The following AK5 variants were observed in gnomAD, a reference collection of about 807,000 sequenced individuals.
AK5 encodes adenylate kinase 5, also known as adenylate kinase isoenzyme 5.
Under a neutral mutation model 69.5 loss-of-function variants are expected in AK5, and 27 were observed. The observed-to-expected ratio is 0.39, with a 90% CI of 0.29 to 0.54. The LOEUF is 0.54. AK5 is among the 20% of genes least tolerant of loss of function. AK5 has a pLI of 0.71. For synonymous variants in AK5, 260 were observed against 244.4 expected (o/e 1.06, Z -0.60); for missense variants, 531 against 700.4 (o/e 0.76, Z 2.73).
chr1:77,549,022 C>T (rs1453166810), intron 13 of AK5, among the ~76,000 whole-genome samples: 1 of 150,466 alleles, frequency 6.6e-6, no homozygotes, highest in Non-Finnish European at 1.5e-5. Context: ...ATTACAGGTA[C>T]CTGCCACCAC....
rs748547669 is a variant in AK5, at chr1:77,518,555, CT to C, written c.1148-5del. ...GGAATGCATGTCTGACACATGACTT[CT>C]TTTCAAGGTGGTCCTGGCTCTGGCA... On this transcript the variant is annotated splice_polypyrimidine_tract_variant and splice_region_variant and intron_variant, in intron 10 of 13. Transcript: ENST00000354567. The C allele has an allele frequency of 6.2e-7, 1 of 1,613,220 alleles. No individual in the cohort carries two copies. Among genetic ancestry groups the C allele is most frequent in the South Asian group, 1.1e-5 (1 of 90,940 alleles).
intron 7 of AK5, among the ~76,000 whole-genome samples, chr1:77,416,130 T>C (rs2100579567): frequency 6.6e-6 from 1 of 152,200 alleles, no homozygotes; most frequent in East Asian, 1.9e-4. Flanking sequence ...CGGCTGAGTA[T>C]TTTGGCCCCA....
chr1:77,340,397 G>A lies in AK5; in HGVS notation c.720G>A (p.Val240=). 2 of 1,613,862 alleles carry A rather than the reference G, an allele frequency of 1.2e-6. No homozygotes were observed. The highest frequency in any genetic ancestry group is 1.1e-5 in the South Asian group (1 of 91,052). The stretch of plus-strand genomic sequence containing the variant: ...CACAGATCTGTACCCCCGATTTGGT[G>A]GTATTCCTGGCTTGTGCTAATCAGA... ...FEDQICTPDL[V]VFLACANQRL... is the part of the protein sequence containing the mutation. The change falls in exon 6 of 14, where the codon GTG becomes GTA. Residue 240 remains valine, a synonymous_variant. Transcript: ENST00000354567.
intron 8 of AK5, among the ~76,000 whole-genome samples, chr1:77,421,166 T>C (rs1486887139): frequency 1.3e-5 from 2 of 152,212 alleles, no homozygotes; most frequent in Non-Finnish European, 2.9e-5. Context: ...CTGACATTCT[T>C]TCCATTAGCT....
At chr1:77,324,274 A>T (rs1486019902) in intron 5 of AK5, among the ~76,000 whole-genome samples, 1 of 144,972 alleles carries the variant, frequency 6.9e-6, no homozygotes, top group Non-Finnish European at 1.5e-5. Context: ...TTAAAAATTC[A>T]ATTAATTAAG....
intron 13 of AK5, among the ~76,000 whole-genome samples, chr1:77,547,335 A>G (rs768852241): frequency 2.4e-5 from 3 of 125,468 alleles, no homozygotes; most frequent in Non-Finnish European, 4.7e-5. Flanking sequence ...GTGCAGTGGC[A>G]CGATCTCAGC....
chr1:77,331,374 C>T (rs1359805546), intron 5 of AK5, among the ~76,000 whole-genome samples: 1 of 152,094 alleles, frequency 6.6e-6, no homozygotes, highest in African/African-American at 2.4e-5. Context: ...TTCTTTATCA[C>T]ATGAAAGAAG....
At chr1:77,533,079 T>C (rs7545544) in intron 12 of AK5, among the ~76,000 whole-genome samples, 92,078 of 152,058 alleles carry the variant, frequency 0.61, 30,603 homozygotes, top group Non-Finnish European at 0.74. Context: ...AACTGATCGA[T>C]AGCTTTTTAT....
chr1:77,308,556 A>G (rs1659773062), intron 5 of AK5, among the ~76,000 whole-genome samples: 6 of 152,164 alleles, frequency 3.9e-5, no homozygotes, highest in Admixed American at 3.3e-4. Flanking sequence ...TTCACTGCCA[A>G]CTAAACATGC....
intron 6 of AK5, among the ~76,000 whole-genome samples, chr1:77,388,341 A>G (rs2100518777): frequency 6.6e-6 from 1 of 152,350 alleles, no homozygotes; most frequent in South Asian, 2.1e-4. Context: ...AAGGAAAGGA[A>G]AAGTGAAACA....
Position 77,297,706 on chromosome 1 carries a change from C to G in AK5, c.563C>G (p.Thr188Arg). 1 of 1,612,650 alleles carries G rather than the reference C, an allele frequency of 6.2e-7. No homozygotes were observed. The highest frequency in any genetic ancestry group is 8.5e-7 in the Non-Finnish European group (1 of 1,179,566). The part of the protein sequence containing the change: ...RKWSLIAKII[T>R]TGELAPQETT... Reference sequence around the variant, plus strand: ...TGGAGTCTTATTGCCAAGATAATTACAACTGGAGAATTGGCCCCACAGGTA... The same window carrying G: ...TGGAGTCTTATTGCCAAGATAATTAGAACTGGAGAATTGGCCCCACAGGTA... Residue 188 changes from threonine (T) to arginine (R), a missense_variant, in exon 4 of 14, where the codon ACA (threonine) becomes AGA (arginine). Physicochemically the swap from Thr to Arg is moderately conservative, Grantham distance 71. Coordinates refer to ENST00000354567, the MANE Select transcript of AK5 (RefSeq NM_174858.3).
At chr1:77,426,613 A>T (rs1213119330) in intron 8 of AK5, among the ~76,000 whole-genome samples, 2 of 152,208 alleles carry the variant, frequency 1.3e-5, no homozygotes, top group Non-Finnish European at 2.9e-5. Flanking sequence ...GAACTCAATA[A>T]TACCACCAAA....
chr1:77,544,390 C>T (rs1314828664), intron 13 of AK5, among the ~76,000 whole-genome samples: 2 of 152,160 alleles, frequency 1.3e-5, no homozygotes, highest in East Asian at 1.9e-4. Context: ...CTTACTATAA[C>T]CTTTTTACTT....
intron 10 of AK5, among the ~76,000 whole-genome samples, chr1:77,499,043 C>T (rs1276106642): frequency 6.6e-6 from 1 of 152,206 alleles, no homozygotes; most frequent in Non-Finnish European, 1.5e-5. Flanking sequence ...CAGTTGTCAA[C>T]AACCCAGCCC....
Position 77,451,633 on chromosome 1 carries a change from A to G in AK5, c.1060-31684A>G, listed in dbSNP as rs58962956. On this transcript the variant is annotated intron_variant, in intron 8 of 13. Transcript: ENST00000354567. Reference sequence around the variant, plus strand: ...TTTGCACATGTAAGTACTTGGGTACATAGGAGCTGCTTAATAAATAATCTT... The same window carrying G: ...TTTGCACATGTAAGTACTTGGGTACGTAGGAGCTGCTTAATAAATAATCTT... Among the ~76,000 whole-genome samples, 392 of 152,374 alleles carry G rather than the reference A, an allele frequency of 2.6e-3. 17 individuals are homozygous for G. The East Asian group carries it at 0.071, about 28-fold the overall frequency.
chr1:77,378,040 A>G (rs1377013768), intron 6 of AK5, among the ~76,000 whole-genome samples: 2 of 152,124 alleles, frequency 1.3e-5, no homozygotes, highest in African/African-American at 4.8e-5. Flanking sequence ...ATTTTATTCA[A>G]ATTTCTTATA....
intron 5 of AK5, among the ~76,000 whole-genome samples, chr1:77,308,690 T>A (rs368823051): frequency 6.6e-6 from 1 of 152,082 alleles, no homozygotes; most frequent in Non-Finnish European, 1.5e-5. Flanking sequence ...TGGATTTCCA[T>A]AGGGAGGTTT....
chr1:77,303,913 G>A (rs1461302844), intron 5 of AK5, among the ~76,000 whole-genome samples: 2 of 152,142 alleles, frequency 1.3e-5, no homozygotes, highest in Admixed American at 6.5e-5. Flanking sequence ...AGGGGCACAT[G>A]AGATATTTGG....
chr1:77,545,316 C>G (rs1291420888), intron 13 of AK5, among the ~76,000 whole-genome samples: 2 of 152,134 alleles, frequency 1.3e-5, no homozygotes, highest in Non-Finnish European at 2.9e-5. Flanking sequence ...ACTACAGACA[C>G]ACACACACAA....
Sources: allele counts gnomAD v4.1 joint callset (sites outside exome capture counted in the v4.1 genomes callset), GRCh38; gene constraint gnomAD v4.1.1; transcripts MANE v1.5; gene names NCBI Gene and HGNC (gene_info 2026-07-23, HGNC 2026-07-21).